Variants in USP8 observed in about 807,000 individuals in gnomAD.
USP8 encodes ubiquitin specific peptidase 8.
Under a neutral mutation model 130.0 loss-of-function variants are expected in USP8, and 27 were observed. That is an observed-to-expected ratio of 0.21 (90% CI 0.15 to 0.29). The LOEUF (loss-of-function observed/expected upper bound fraction) is 0.29. USP8 is among the 10% of genes least tolerant of loss of function. The pLI is 1.00. For missense variants in USP8, 1,029 were observed against 1,312.2 expected, an observed-to-expected ratio of 0.78 and a Z score of 3.33; for synonymous variants, 392 against 444.1, an observed-to-expected ratio of 0.88 and a Z score of 1.48.
Position 50,501,388 on chromosome 15 carries a change from C to G in USP8, c.*2300C>G. 6.6e-6 allele frequency: 1 copy of G among 151,746 alleles called. No individual in the cohort carries two copies. The highest frequency in any genetic ancestry group is 2.1e-4 in the South Asian group (1 of 4,788). The allele number at this position is 151,746 out of a possible 1,614,324, so 9.4% of individuals were successfully genotyped here. A position where few individuals can be genotyped will look rare whatever the true frequency, so the allele number is the denominator to read the frequency against. Reference sequence around the variant, plus strand: ...ACTTGGGAAGTTGGGGTGGGAGGATCTCTCGAGCCTGAGAGGTCGAGGCTG... The same window carrying G: ...ACTTGGGAAGTTGGGGTGGGAGGATGTCTCGAGCCTGAGAGGTCGAGGCTG... On this transcript the variant is annotated 3_prime_UTR_variant, in exon 20 of 20. Transcript: ENST00000307179.
intron 6 of USP8, 89 bp downstream of exon 6, chr15:50,462,411 C>T: frequency 8.6e-7 from 1 of 1,163,114 alleles, no homozygotes; most frequent in South Asian, 1.6e-5. Flanking sequence ...CAATGAGATT[C>T]TTAGCATTGT....
intron 4 of USP8, 128 bp from the exon 5 acceptor site, chr15:50,458,871 TG>T: frequency 1.9e-6 from 2 of 1,063,544 alleles, no homozygotes; most frequent in Non-Finnish European, 1.4e-6. Context: ...GTGTGAATTG[TG>T]GTGGAGGGAG....
At chr15:50,438,974 A>C in intron 1 of USP8, 35 bp from the exon 2 acceptor site, 1 of 864,258 alleles carries the variant, frequency 1.2e-6, no homozygotes, top group Non-Finnish European at 1.8e-6. Context: ...ATTGTGAATG[A>C]GGAAAATTAG....
chr15:50,469,768 A>G (rs183336582), intron 7 of USP8, among the ~76,000 whole-genome samples: 78 of 152,250 alleles, frequency 5.1e-4, no homozygotes, highest in Admixed American at 4.5e-3. Context: ...GCTAAGAATA[A>G]TATGGAGCTC....
In USP8 at chr15:50,445,010, G is replaced by A. The variant is rs532485029; in HGVS notation, c.249+3517G>A. Among the ~76,000 whole-genome samples the A allele has an allele frequency of 1.1e-4, 17 of 152,070 alleles. 1 individual carries two copies. In the South Asian group the frequency reaches 3.1e-3, roughly 28 times the overall value. On this transcript the variant is annotated intron_variant, in intron 3 of 19. Transcript: ENST00000307179. The stretch of plus-strand genomic sequence containing the variant: ...TGGGCTCAGGTGGTCTGCCTGCCTC[G>A]GCCTCCCAAAGTGCTGGGATTACAG...
intron 10 of USP8, among the ~76,000 whole-genome samples, chr15:50,479,757 TTTTTC>T (rs899105338): frequency 1.3e-5 from 2 of 152,104 alleles, no homozygotes; most frequent in African/African-American, 2.4e-5. Context: ...CCTCGTTTTC[TTTTTC>T]TTTTCTTTTT....
intron 7 of USP8, 103 bp from the exon 8 acceptor site, chr15:50,471,530 C>T (rs1003923747): frequency 4.8e-6 from 6 of 1,261,582 alleles, no homozygotes; most frequent in Non-Finnish European, 6.5e-6. Context: ...TTAAAATTTG[C>T]TATGGTGTGG....
At position 50,485,550 on chromosome 15, in the gene USP8, A is replaced by ATTTTTTTTT. The variant is rs71424071; in HGVS notation, c.1890+1214_1890+1222dup. On this transcript the variant is annotated intron_variant, in intron 12 of 19. Coordinates refer to ENST00000307179, the MANE Select transcript of USP8 (RefSeq NM_005154.5). ...CCCATTTTTAGCATGCAGTTTAGTG[A>ATTTTTTTTT]TTTTTTTTTTTTTTTTTTTTTTTTT... 3.7e-3 allele frequency among the ~76,000 whole-genome samples: 104 copies of ATTTTTTTTT among 27,948 alleles called. 10 individuals are homozygous for ATTTTTTTTT. Among genetic ancestry groups the ATTTTTTTTT allele is most frequent in the Middle Eastern group, 0.045 (1 of 22 alleles). The allele number at this position is 27,948 out of a possible 152,430, so 18.3% of individuals were successfully genotyped here. A position where few individuals can be genotyped will look rare whatever the true frequency, so the allele number is the denominator to read the frequency against.
At chr15:50,459,526 G>A (rs546393442) in intron 5 of USP8, among the ~76,000 whole-genome samples, 1 of 152,252 alleles carries the variant, frequency 6.6e-6, no homozygotes, top group South Asian at 2.1e-4. Context: ...AGAGGCTGCA[G>A]TGAGCTGAGA....
intron 1 of USP8, among the ~76,000 whole-genome samples, chr15:50,438,728 T>C (rs1371051500): frequency 6.6e-6 from 1 of 152,210 alleles, no homozygotes; most frequent in African/African-American, 2.4e-5. Flanking sequence ...ATGTAAACGC[T>C]TTGATTATTC....
chr15:50,493,473 C>T (rs2052257204), intron 15 of USP8: 1 of 518,848 alleles, frequency 1.9e-6, no homozygotes, highest in African/African-American at 1.9e-5. Flanking sequence ...ATAATGAAGG[C>T]TGGGCATGGT....
At chr15:50,466,751 G>C in intron 7 of USP8, 1 of 229,044 alleles carries the variant, frequency 4.4e-6, no homozygotes, top group Non-Finnish European at 8.9e-6. Context: ...GGCTTTTAAA[G>C]ATGCTGGAAA....
intron 12 of USP8, among the ~76,000 whole-genome samples, chr15:50,485,550 ATTTTTTTTTTTTT>A (rs71424071): frequency 0.055 from 1,536 of 28,134 alleles, 55 homozygotes; most frequent in African/African-American, 0.16. Flanking sequence ...CAGTTTAGTG[ATTTTTTTTTTTTT>A]TTTTTTTTTT....
chr15:50,463,639 A>G (rs2051086126), intron 6 of USP8: 1 of 152,192 alleles, frequency 6.6e-6, no homozygotes. Context: ...CATCCTGCTT[A>G]AATGTTGTCC....
At chr15:50,433,933 A>G (rs1286244918) in intron 1 of USP8, among the ~76,000 whole-genome samples, 1 of 152,014 alleles carries the variant, frequency 6.6e-6, no homozygotes, top group Non-Finnish European at 1.5e-5. Flanking sequence ...CTCATTTTCA[A>G]CACTTTTGGG....
At chr15:50,440,480 A>G (rs905912524) in intron 2 of USP8, among the ~76,000 whole-genome samples, 5 of 152,224 alleles carry the variant, frequency 3.3e-5, no homozygotes, top group African/African-American at 4.8e-5. Context: ...CAGTTTTTCA[A>G]TGGACCAGGG....
At chr15:50,446,929 C>T (rs1286314155) in intron 3 of USP8, among the ~76,000 whole-genome samples, 2 of 152,168 alleles carry the variant, frequency 1.3e-5, no homozygotes, top group East Asian at 3.9e-4. Flanking sequence ...CCTGGCCTGG[C>T]CATCAACAGA....
chr15:50,494,310 A>C (rs767547742), intron 16 of USP8, 30 bp downstream of exon 16: 14 of 1,573,802 alleles, frequency 8.9e-6, no homozygotes, highest in Non-Finnish European at 1.2e-5. Context: ...TAAGTTGCAG[A>C]GACTCTTTAG....
rs200676327 is a variant in USP8, at chr15:50,495,492, G to T, written c.2659-356G>T. 1.2e-4 allele frequency among the ~76,000 whole-genome samples: 18 copies of T among 149,542 alleles called. 1 individual carries two copies. The South Asian group carries it at 3.2e-3, about 26-fold the overall frequency. ...TTTTTTTAGTAGAGATTGGAGGGGG[G>T]GGTCTCACTATGTTGCACAAGTTGG... is the stretch of plus-strand genomic sequence containing the variant. On this transcript the variant is annotated intron_variant, in intron 16 of 19. Transcript: ENST00000307179.
Sources: allele counts gnomAD v4.1 joint callset (sites outside exome capture counted in the v4.1 genomes callset), GRCh38; gene constraint gnomAD v4.1.1; transcripts MANE v1.5; gene names NCBI Gene and HGNC (gene_info 2026-07-23, HGNC 2026-07-21).